The following IFNGR1 variants were observed in gnomAD, a reference collection of about 807,000 sequenced individuals.
IFNGR1 encodes interferon gamma receptor 1, also known as AVP, type 2.
Under a neutral mutation model 35.4 loss-of-function variants are expected in IFNGR1, and 23 were observed. The observed-to-expected ratio is 0.65, with a 90% CI of 0.47 to 0.92. IFNGR1 has a LOEUF of 0.92. Ranked by LOEUF, IFNGR1 falls within the 40% of genes least tolerant of loss-of-function variation. IFNGR1 has a pLI of 0.00. For missense variants in IFNGR1, 533 were observed against 583.4 expected (o/e 0.91, Z 0.89); for synonymous variants, 199 against 209.5 (o/e 0.95, Z 0.43).
chr6:137,201,427 C>T (rs1420551696), intron 5 of IFNGR1, among the ~76,000 whole-genome samples: 1 of 152,144 alleles, frequency 6.6e-6, no homozygotes, highest in Admixed American at 6.5e-5. Flanking sequence ...GTAATCCCAG[C>T]ACTTTGGGAA....
chr6:137,209,208 G>T (rs1470342785), intron 1 of IFNGR1, among the ~76,000 whole-genome samples: 4 of 152,172 alleles, frequency 2.6e-5, no homozygotes, highest in Non-Finnish European at 5.9e-5. Context: ...GATTTTACAG[G>T]CTCACAGGCA....
intron 1 of IFNGR1, among the ~76,000 whole-genome samples, chr6:137,216,431 C>T (rs1779698282): frequency 6.6e-6 from 1 of 152,194 alleles, no homozygotes; most frequent in Non-Finnish European, 1.5e-5. Flanking sequence ...AAGTGGCACA[C>T]ACAGATTTTA....
chr6:137,203,857 C>T (rs564358635), intron 4 of IFNGR1, 172 bp from the exon 5 acceptor site: 22 of 632,586 alleles, frequency 3.5e-5, no homozygotes, highest in East Asian at 1.9e-4. Context: ...CAACACAGCA[C>T]GATACTATGC....
rs377718783 is a variant in IFNGR1 at position 137,203,683 on chromosome 6, G to C, written c.549C>G (p.Ile183Met). The change falls in exon 5 of 7, where the codon ATC becomes ATG. Residue 183 changes from isoleucine to methionine, a missense_variant and splice_region_variant. Coordinates refer to ENST00000367739, the MANE Select transcript of IFNGR1 (RefSeq NM_000416.3). ...CCTTCTGCGTGAGTATTTTATACTG[G>C]ATCTAGATGAAAAAAGAAAACAGTG... Reference protein sequence around the residue: ...NVYVRMNGSEIQYKILTQKED... With the variant: ...NVYVRMNGSEMQYKILTQKED... The C allele has an allele frequency of 6.8e-6, 11 of 1,609,558 alleles. No individual in the cohort carries two copies. The Admixed American group carries it at 1.0e-4, about 15-fold the overall frequency.
rs878888267 is a variant in IFNGR1 at position 137,197,826 on chromosome 6, G to C, written c.*205C>G. The C allele has an allele frequency of 1.8e-6, 1 of 561,372 alleles. No homozygotes were observed. Among genetic ancestry groups the C allele is most frequent in the African/African-American group, 2.0e-5 (1 of 50,844 alleles). 34.8% of individuals were successfully genotyped at this position (561,372 alleles called of 1,614,324 possible). A position where few individuals can be genotyped will look rare whatever the true frequency, so the allele number is the denominator to read the frequency against. On this transcript the variant is annotated 3_prime_UTR_variant, in exon 7 of 7. Transcript: ENST00000367739. ...GTTCATAAGTTACAATGCTTTTTTT[G>C]TTTAAAAAAAAAAAAAAGTCTGTAC... is the stretch of plus-strand genomic sequence containing the variant.
At chr6:137,205,580 T>C (rs1779408918) in intron 3 of IFNGR1, among the ~76,000 whole-genome samples, 1 of 152,158 alleles carries the variant, frequency 6.6e-6, no homozygotes, top group Admixed American at 6.5e-5. Context: ...GAATAAGAGT[T>C]AGCTGCCAAA....
intron 1 of IFNGR1, among the ~76,000 whole-genome samples, chr6:137,214,238 C>T (rs1779639427): frequency 6.6e-6 from 1 of 152,204 alleles, no homozygotes; most frequent in South Asian, 2.1e-4. Flanking sequence ...ACAGAACCAG[C>T]ATAAGAAATC....
In IFNGR1 at chr6:137,219,307, T is replaced by C; in HGVS notation, c.21A>G (p.Leu7=). Residue 7 remains leucine, a synonymous_variant, in exon 1 of 7, where the codon CTA becomes CTG. Coordinates refer to ENST00000367739, the MANE Select transcript of IFNGR1 (RefSeq NM_000416.3). MALLFL[L]PLVMQGVSRA... is the part of the protein sequence containing the mutation. The stretch of plus-strand genomic sequence containing the variant: ...TGCTCACACCCTGCATGACAAGGGG[T>C]AGGAGAAAGAGGAGAGCCATGCTGC... The C allele has an allele frequency of 2.5e-6, 4 of 1,610,048 alleles. No individual in the cohort carries two copies. Among genetic ancestry groups the C allele is most frequent in the Non-Finnish European group, 2.5e-6 (3 of 1,178,540 alleles).
chr6:137,204,590 C>T, intron 3 of IFNGR1, 86 bp from the exon 4 acceptor site: 1 of 1,118,760 alleles, frequency 8.9e-7, no homozygotes, highest in Non-Finnish European at 1.3e-6. Flanking sequence ...ATCTATCAAT[C>T]AACCTATTGT....
intron 6 of IFNGR1, 116 bp downstream of exon 6, chr6:137,200,765 T>G (rs893239566): frequency 3.5e-6 from 3 of 864,008 alleles, no homozygotes; most frequent in Admixed American, 2.7e-5. Flanking sequence ...ACTGACTGAT[T>G]GATGGCAGGT....
Position 137,197,905 on chromosome 6 carries a change from C to T in IFNGR1, c.*126G>A, listed in dbSNP as rs1779126439. The T allele has an allele frequency of 1.3e-5, 17 of 1,266,692 alleles. No individual in the cohort carries two copies. Among genetic ancestry groups the T allele is most frequent in the Non-Finnish European group, 1.9e-5 (17 of 880,460 alleles). 78.5% of individuals were successfully genotyped at this position (1,266,692 alleles called of 1,614,324 possible). ...CATCCTCTTTACGCTTTCATGTACA[C>T]TAAGTCACTCCATTTGGTTGATACC... On this transcript the variant is annotated 3_prime_UTR_variant, in exon 7 of 7. Coordinates refer to ENST00000367739, the MANE Select transcript of IFNGR1 (RefSeq NM_000416.3).
At chr6:137,201,302 T>C (rs1001377805) in intron 5 of IFNGR1, among the ~76,000 whole-genome samples, 1 of 152,222 alleles carries the variant, frequency 6.6e-6, no homozygotes, top group African/African-American at 2.4e-5. Context: ...CAGCCCTACA[T>C]ACAGTGTGTT....
chr6:137,209,133 G>T (rs1216558988), intron 1 of IFNGR1, among the ~76,000 whole-genome samples: 2 of 152,152 alleles, frequency 1.3e-5, no homozygotes, highest in Non-Finnish European at 2.9e-5. Flanking sequence ...TCTCCCATTT[G>T]GAATGGCTGT....
chr6:137,218,350 C>G, intron 1 of IFNGR1: 1 of 497,934 alleles, frequency 2.0e-6, no homozygotes, highest in Non-Finnish European at 3.8e-6. Flanking sequence ...AATTACTCTG[C>G]ACTTCAGAAA....
rs377227464 is a variant in IFNGR1, at chr6:137,206,273, T to C, written c.236A>G (p.Asn79Ser). ...AATATTACAATAATGATGAGAAATA[T>C]TGATGCAGGCATCAATCCATTCTGA... ...KNSEWIDACI[N>S]ISHHYCNISD... Residue 79 changes from asparagine (N) to serine (S), a missense_variant, in exon 3 of 7, where the codon AAT becomes AGT. By Grantham distance (46) the Asn-to-Ser change is conservative (BLOSUM62 1). Transcript: ENST00000367739. 234 of 1,610,082 alleles carry C rather than the reference T, an allele frequency of 1.5e-4. 1 individual carries two copies. The highest frequency in any genetic ancestry group is 4.1e-4 in the South Asian group (37 of 91,000).
At chr6:137,219,212 C>G in intron 1 of IFNGR1, 31 bp downstream of exon 1, 5 of 1,587,876 alleles carry the variant, frequency 3.1e-6, no homozygotes, top group Non-Finnish European at 4.3e-6. Flanking sequence ...TCGTCCCGAC[C>G]CGGCCGCAGC....
At chr6:137,207,163 C>G (rs966886128) in intron 1 of IFNGR1, 86 bp from the exon 2 acceptor site, 1 of 1,533,914 alleles carries the variant, frequency 6.5e-7, no homozygotes, top group African/African-American at 1.4e-5. Flanking sequence ...GCCACATTGC[C>G]CAGATATGTA....
At chr6:137,202,771 G>C (rs1055338860) in intron 5 of IFNGR1, among the ~76,000 whole-genome samples, 1 of 151,940 alleles carries the variant, frequency 6.6e-6, no homozygotes, top group African/African-American at 2.4e-5. Flanking sequence ...GAATAATGGG[G>C]TATTTTTGCA....
Position 137,198,148 on chromosome 6 carries a change from G to A in IFNGR1, c.1353C>T (p.Ala451=), listed in dbSNP as rs761246504. Residue 451 remains alanine (A), a synonymous_variant, in exon 7 of 7, where the codon GCC becomes GCT. Coordinates refer to ENST00000367739, the MANE Select transcript of IFNGR1 (RefSeq NM_000416.3). The stretch of plus-strand genomic sequence containing the variant: ...GTTTATCATAACCAAAGGAGGTGGG[G>A]GCTTTTATTACGGTTATGAGCTCTT... The part of the protein sequence containing the change: ...EGQELITVIK[A]PTSFGYDKPH... 5 of 1,614,086 alleles carry A rather than the reference G, an allele frequency of 3.1e-6. No individual in the cohort carries two copies. Among genetic ancestry groups the A allele is most frequent in the Non-Finnish European group, 4.2e-6 (5 of 1,180,012 alleles).
Sources: allele counts gnomAD v4.1 joint callset (sites outside exome capture counted in the v4.1 genomes callset), GRCh38; gene constraint gnomAD v4.1.1; transcripts MANE v1.5; gene names NCBI Gene and HGNC (gene_info 2026-07-23, HGNC 2026-07-21).